Variants in SEMA5B observed in about 807,000 individuals in gnomAD.
The protein encoded by SEMA5B is semaphorin 5B.
SEMA5B carries 66 observed loss-of-function variants against 135.0 expected under a neutral mutation model. The observed-to-expected ratio is 0.49, with a 90% confidence interval of 0.40 to 0.60. SEMA5B has a LOEUF of 0.60. Ranked by LOEUF, SEMA5B falls within the 20% of genes least tolerant of loss-of-function variation. The probability of loss-of-function intolerance (pLI) is 0.00; values close to 1 mark genes in which losing one functional copy is unlikely to be tolerated. For synonymous variants in SEMA5B, 690 were observed against 639.5 expected (o/e 1.08, Z -1.19); for missense variants, 1,501 against 1,566.3 (o/e 0.96, Z 0.70).
chr3:122,948,575 CA>C lies in SEMA5B; in HGVS notation c.258del (p.Asp86GlufsTer104). On this transcript the variant is annotated frameshift_variant, in exon 3 of 23. Transcript: ENST00000357599. LOFTEE classifies it high-confidence loss of function. ...TGCTCACTGCTGGGCTCACTGGAGA[CA>C]TCCTGGGAGCTGGAGAGGTGGGACA... Reference protein sequence around the residue: ...LLVSHLSSSQDVSSEPSSEQQ... With the variant: ...LLVSHLSSSQXVSSEPSSEQQ... 6.2e-7 allele frequency: 1 copy of C among 1,613,932 alleles called. No homozygotes were observed. Among genetic ancestry groups the C allele is most frequent in the Non-Finnish European group, 8.5e-7 (1 of 1,179,888 alleles).
chr3:122,929,394 G>A lies in SEMA5B; in HGVS notation c.475-336C>T, dbSNP rs117952812. ...GCCAGGGAGCTGGAAGTGGCCGAAG[G>A]ACCTTCAATCCCACCCCAGGCCCTG... On this transcript the variant is annotated intron_variant, in intron 5 of 22. Transcript: ENST00000357599. Among the ~76,000 whole-genome samples, 25 of 152,340 alleles carry A rather than the reference G, an allele frequency of 1.6e-4. No individual in the cohort carries two copies. The East Asian group carries it at 4.6e-3, about 28-fold the overall frequency.
chr3:122,946,659 CAAAGG>C (rs1414095362), intron 3 of SEMA5B, among the ~76,000 whole-genome samples: 1 of 152,100 alleles, frequency 6.6e-6, no homozygotes, highest in Non-Finnish European at 1.5e-5. Context: ...GCTGAGGGAC[CAAAGG>C]CAGTGACTTT....
At chr3:122,932,755 C>T (rs1181990333) in intron 5 of SEMA5B, among the ~76,000 whole-genome samples, 1 of 152,186 alleles carries the variant, frequency 6.6e-6, no homozygotes, top group Non-Finnish European at 1.5e-5. Context: ...TTGAGCCACC[C>T]TCTTGCTGTG....
At chr3:122,967,284 G>A (rs988053442) in intron 1 of SEMA5B, among the ~76,000 whole-genome samples, 1 of 152,116 alleles carries the variant, frequency 6.6e-6, no homozygotes, top group African/African-American at 2.4e-5. Flanking sequence ...AGATTTTAGG[G>A]TGGTGAAGGA....
chr3:122,926,754 A>G, intron 8 of SEMA5B, 77 bp from the exon 9 acceptor site: 1 of 1,533,810 alleles, frequency 6.5e-7, no homozygotes, highest in Admixed American at 1.8e-5. Context: ...GGACTCAACT[A>G]CTTCGGTTTT....
At position 122,915,426 on chromosome 3, in the gene SEMA5B, C is replaced by G. The variant is rs1435589391; in HGVS notation, c.1988+14G>C. On this transcript the variant is annotated intron_variant, in intron 14 of 22. Transcript: ENST00000357599. The stretch of plus-strand genomic sequence containing the variant: ...GTCCAAGGCAGACACCATGTAAACC[C>G]TGTCCTCACATACCTGGAGCAGTTG... 1 of 1,598,922 alleles carries G rather than the reference C, an allele frequency of 6.3e-7. No individual in the cohort carries two copies.
chr3:122,978,579 GC>G (rs944903564), intron 1 of SEMA5B, among the ~76,000 whole-genome samples: 6 of 152,030 alleles, frequency 3.9e-5, no homozygotes, highest in African/African-American at 1.4e-4. Context: ...CAGGGTCTGG[GC>G]AGAAAGAGAC....
intron 9 of SEMA5B, among the ~76,000 whole-genome samples, chr3:122,925,647 G>A (rs966843869): frequency 6.6e-6 from 1 of 151,838 alleles, no homozygotes; most frequent in East Asian, 1.9e-4. Flanking sequence ...TCCAGCCTGG[G>A]CGACAGAGCA....
intron 2 of SEMA5B, among the ~76,000 whole-genome samples, chr3:122,955,202 G>T (rs1323680773): frequency 6.6e-6 from 1 of 152,076 alleles, no homozygotes; most frequent in Admixed American, 6.5e-5. Flanking sequence ...GAATGTTGAA[G>T]ATGGAGCCAG....
At position 122,928,601 on chromosome 3, in the gene SEMA5B, G is replaced by T; in HGVS notation, c.552C>A (p.Asn184Lys). ...CGGCGACGATCAGGACTCGCACGTAGTTCTGACACTCCTCCTGAGGCAGGA... is the reference window on the plus strand; with the variant it reads ...CGGCGACGATCAGGACTCGCACGTATTTCTGACACTCCTCCTGAGGCAGGA... ...SKGKTEEECQ[N>K]YVRVLIVAGR... Residue 184 changes from asparagine to lysine, a missense_variant, in exon 7 of 23, where the codon AAC (asparagine) becomes AAA (lysine). Physicochemically the swap from Asn to Lys is moderately conservative, Grantham distance 94 (BLOSUM62 0). Transcript: ENST00000357599. The T allele has an allele frequency of 6.4e-7, 1 of 1,556,682 alleles. No individual in the cohort carries two copies. The highest frequency in any genetic ancestry group is 2.4e-5 in the East Asian group (1 of 41,422).
intron 1 of SEMA5B, among the ~76,000 whole-genome samples, chr3:123,019,061 C>T (rs868540983): frequency 2.6e-5 from 4 of 152,058 alleles, no homozygotes; most frequent in African/African-American, 9.7e-5. Flanking sequence ...TGAGAAATGC[C>T]CCTCTTCTGC....
At chr3:122,916,728 G>A (rs1441867507) in intron 12 of SEMA5B, among the ~76,000 whole-genome samples, 2 of 152,126 alleles carry the variant, frequency 1.3e-5, no homozygotes, top group African/African-American at 2.4e-5. Flanking sequence ...CAGACACCTG[G>A]GTACTGTCCA....
chr3:122,986,272 G>T (rs1941692788), intron 1 of SEMA5B, among the ~76,000 whole-genome samples: 1 of 152,076 alleles, frequency 6.6e-6, no homozygotes, highest in Non-Finnish European at 1.5e-5. Flanking sequence ...TTTGATAATG[G>T]GAAACTTGAA....
chr3:122,992,394 C>T (rs1053733075), intron 1 of SEMA5B, among the ~76,000 whole-genome samples: 48 of 152,206 alleles, frequency 3.2e-4, no homozygotes, highest in Non-Finnish European at 1.0e-4. Flanking sequence ...ACTCTGCATT[C>T]TGTGCCCTTC....
intron 12 of SEMA5B, among the ~76,000 whole-genome samples, chr3:122,920,540 C>A (rs1001246670): frequency 6.6e-6 from 1 of 152,188 alleles, no homozygotes; most frequent in Non-Finnish European, 1.5e-5. Context: ...ATACCAGCTA[C>A]CTCTTGTGAT....
Position 122,926,504 on chromosome 3 carries a change from C to T in SEMA5B, c.1024G>A (p.Ala342Thr), listed in dbSNP as rs907855560. ...CCCGGGCGGGAGCAGTTGAGCCGGGCCTTCATGAATGTGGTCCATGTGTCC... is the reference window on the plus strand; with the variant it reads ...CCCGGGCGGGAGCAGTTGAGCCGGGTCTTCATGAATGTGGTCCATGTGTCC... ...LEDTWTTFMK[A>T]RLNCSRPGEV... Residue 342 changes from alanine to threonine, a missense_variant, in exon 9 of 23, where the codon GCC becomes ACC. Ala to Thr is a moderately conservative substitution (Grantham distance 58). Around this residue, in one of 2 missense-constraint regions of SEMA5B, gnomAD observed 574 missense variants for 684.7 expected, o/e 0.84. Coordinates refer to ENST00000357599, the MANE Select transcript of SEMA5B (RefSeq NM_001031702.4). 3.1e-6 allele frequency: 5 copies of T among 1,614,136 alleles called. No individual in the cohort carries two copies. Among genetic ancestry groups the T allele is most frequent in the African/African-American group, 1.3e-5 (1 of 74,954 alleles).
intron 2 of SEMA5B, among the ~76,000 whole-genome samples, chr3:122,955,738 C>T (rs780064822): frequency 4.6e-5 from 7 of 152,210 alleles, no homozygotes; most frequent in African/African-American, 7.2e-5. Context: ...AGAGAGACTG[C>T]TTTGATACAC....
chr3:123,025,853 G>A (rs865776743), intron 1 of SEMA5B, among the ~76,000 whole-genome samples: 1 of 152,116 alleles, frequency 6.6e-6, no homozygotes, highest in Non-Finnish European at 1.5e-5. Context: ...TCTAGACTTC[G>A]GGAAAGGTAC....
At chr3:123,012,390 C>A (rs1372797511) in intron 1 of SEMA5B, among the ~76,000 whole-genome samples, 1 of 152,170 alleles carries the variant, frequency 6.6e-6, no homozygotes, top group Non-Finnish European at 1.5e-5. Context: ...GGCCACAGCA[C>A]CAAACCAGGC....
Sources: gnomAD v4.1 joint callset for allele counts (sites outside exome capture counted in the v4.1 genomes callset) on GRCh38, gnomAD v4.1.1 for gene constraint, gnomAD v4.1.1 regional missense constraint, MANE v1.5 for transcripts, NCBI Gene and HGNC (gene_info 2026-07-23, HGNC 2026-07-21) for gene names.